Variants in SAMD4A observed in about 807,000 individuals in gnomAD.
SAMD4A encodes the protein protein Smaug homolog 1.
A neutral mutation model predicts 81.3 loss-of-function variants in SAMD4A; 33 were observed. The ratio of observed to expected loss-of-function variants is 0.41; its 90% CI spans 0.31 to 0.54. SAMD4A has a LOEUF of 0.54. SAMD4A is among the 20% of genes least tolerant of loss of function. SAMD4A has a pLI of 0.37. For missense variants in SAMD4A, 854 were observed against 951.1 expected (o/e 0.90, Z 1.34); for synonymous variants, 389 against 382.1 (o/e 1.02, Z -0.21).
In SAMD4A at chr14:54,605,793, CTA is replaced by C. The variant is rs147402380; in HGVS notation, c.196+37695_196+37696del. Among the ~76,000 whole-genome samples the C allele has an allele frequency of 3.1e-3, 469 of 149,254 alleles. 4 individuals are homozygous for C. Among genetic ancestry groups the C allele is most frequent in the African/African-American group, 8.1e-3 (328 of 40,674 alleles). ...TAAAACATTGGGGCATTAAACATGC[CTA>C]TATATATATATATGTATATATATAA... On this transcript the variant is annotated intron_variant, in intron 2 of 12. Transcript: ENST00000554335.
chr14:54,788,341 A>G (rs993159991), intron 12 of SAMD4A, among the ~76,000 whole-genome samples: 3 of 152,116 alleles, frequency 2.0e-5, no homozygotes, highest in Non-Finnish European at 2.9e-5. Context: ...TGTCCGTTGC[A>G]GCCCCTGCCT....
At chr14:54,687,300 C>T in intron 2 of SAMD4A, 1 of 455,496 alleles carries the variant, frequency 2.2e-6, no homozygotes, top group Non-Finnish European at 4.4e-6. Context: ...TTCTTCTTAC[C>T]TCAAAACTGC....
upstream of SAMD4A, among the ~76,000 whole-genome samples, chr14:54,565,399 A>G (rs183244317): frequency 4.7e-3 from 712 of 152,344 alleles, 8 homozygotes; most frequent in African/African-American, 0.016. The surrounding 1 kb of genome is among the most constrained non-coding windows in gnomAD (Gnocchi z 5.4). Flanking sequence ...AGTGGGACTC[A>G]GCCAGGCGCC....
At chr14:54,636,948 T>C (rs1395146021) in intron 2 of SAMD4A, among the ~76,000 whole-genome samples, 1 of 152,162 alleles carries the variant, frequency 6.6e-6, no homozygotes, top group Non-Finnish European at 1.5e-5. Context: ...GGGGGCGAGA[T>C]ATACATTTGG....
intron 2 of SAMD4A, among the ~76,000 whole-genome samples, chr14:54,576,017 T>C (rs1320590954): frequency 3.4e-4 from 5 of 14,774 alleles, no homozygotes; most frequent in African/African-American, 2.7e-4. Flanking sequence ...TTTTTTTTTT[T>C]TTTTTTTTTT....
chr14:54,664,840 C>T (rs151276556), intron 2 of SAMD4A, among the ~76,000 whole-genome samples: 2,231 of 149,680 alleles, frequency 0.015, 26 homozygotes, highest in South Asian at 0.023. Flanking sequence ...CACACACACA[C>T]ACACACACAC....
intron 11 of SAMD4A, among the ~76,000 whole-genome samples, chr14:54,784,058 G>A (rs1267932639): frequency 6.6e-6 from 1 of 152,214 alleles, no homozygotes; most frequent in African/African-American, 2.4e-5. Flanking sequence ...CCTTTCCAAG[G>A]AGATGATAGA....
At chr14:54,749,687 G>A (rs767076848) in intron 5 of SAMD4A, among the ~76,000 whole-genome samples, 15 of 152,108 alleles carry the variant, frequency 9.9e-5, no homozygotes, top group African/African-American at 1.7e-4. Flanking sequence ...TTCCTACCAC[G>A]CTGTGCTCGG....
chr14:54,604,989 C>G (rs1419168719), intron 2 of SAMD4A, among the ~76,000 whole-genome samples: 1 of 152,132 alleles, frequency 6.6e-6, no homozygotes, highest in Non-Finnish European at 1.5e-5. Flanking sequence ...AGTGGCTCAG[C>G]CATTTTTACC....
chr14:54,579,673 G>A (rs916535661), intron 2 of SAMD4A, among the ~76,000 whole-genome samples: 18 of 152,256 alleles, frequency 1.2e-4, no homozygotes, highest in African/African-American at 4.3e-4. Context: ...AAAAAATGAA[G>A]TGAAAGGCAT....
intron 10 of SAMD4A, among the ~76,000 whole-genome samples, 191 bp from the exon 11 acceptor site, chr14:54,776,223 A>T (rs1474856227): frequency 6.6e-6 from 1 of 152,170 alleles, no homozygotes; most frequent in African/African-American, 2.4e-5. Context: ...GAGGAGGTGA[A>T]GAGAAATTAC....
At chr14:54,658,136 C>T (rs1260839768) in intron 2 of SAMD4A, among the ~76,000 whole-genome samples, 1 of 152,086 alleles carries the variant, frequency 6.6e-6, no homozygotes, top group Non-Finnish European at 1.5e-5. Context: ...ATGGCGAAAC[C>T]CCGTCACCAC....
In SAMD4A at chr14:54,789,157, A is replaced by G. The variant is rs1270574267; in HGVS notation, c.*213A>G. ...GGTTATTTTGTCATTTGTTTCTGTC[A>G]TGGGATGGTTTGGTGTGTGGGGTGG... On this transcript the variant is annotated 3_prime_UTR_variant, in exon 13 of 13. Transcript: ENST00000554335. The G allele has an allele frequency of 2.6e-6, 1 of 385,666 alleles. No individual in the cohort carries two copies. The highest frequency in any genetic ancestry group is 5.0e-6 in the Non-Finnish European group (1 of 198,182). 23.9% of individuals were successfully genotyped at this position (385,666 alleles called of 1,614,324 possible).
At chr14:54,772,417 TA>T (rs977153533) in intron 9 of SAMD4A, among the ~76,000 whole-genome samples, 3 of 152,186 alleles carry the variant, frequency 2.0e-5, no homozygotes, top group East Asian at 3.9e-4. Flanking sequence ...GCTGGCTTTG[TA>T]ATAACCCTCG....
chr14:54,587,374 C>T (rs1301901910), intron 2 of SAMD4A, among the ~76,000 whole-genome samples: 1 of 152,138 alleles, frequency 6.6e-6, no homozygotes, highest in African/African-American at 2.4e-5. Flanking sequence ...CATCAGCAAA[C>T]AGTGACAGTT....
chr14:54,758,608 C>T (rs2038308090), intron 6 of SAMD4A, among the ~76,000 whole-genome samples: 1 of 152,124 alleles, frequency 6.6e-6, no homozygotes, highest in African/African-American at 2.4e-5. Flanking sequence ...GGCGGACGGA[C>T]CACCTGGGGT....
chr14:54,661,239 G>A (rs992822557), intron 2 of SAMD4A, among the ~76,000 whole-genome samples: 1 of 152,188 alleles, frequency 6.6e-6, no homozygotes, highest in Non-Finnish European at 1.5e-5. Context: ...CTAGGACAAT[G>A]ATATAACTTT....
At chr14:54,746,870 T>C (rs1272528659) in intron 4 of SAMD4A, among the ~76,000 whole-genome samples, 1 of 152,218 alleles carries the variant, frequency 6.6e-6, no homozygotes, top group Non-Finnish European at 1.5e-5. Context: ...ACGTGAAACC[T>C]GGTGACAGAG....
chr14:54,657,304 AG>A (rs1383712476), intron 2 of SAMD4A, among the ~76,000 whole-genome samples: 3 of 152,234 alleles, frequency 2.0e-5, no homozygotes, highest in Non-Finnish European at 4.4e-5. Context: ...TCCTTCTGTA[AG>A]TAACACTGTC....
Sources: allele counts gnomAD v4.1 joint callset (sites outside exome capture counted in the v4.1 genomes callset), GRCh38; gene constraint gnomAD v4.1.1; non-coding constraint Gnocchi (gnomAD v3.1); transcripts MANE v1.5; gene names NCBI Gene and HGNC (gene_info 2026-07-23, HGNC 2026-07-21).